Variants in MYO5B observed in about 807,000 individuals in gnomAD.
MYO5B encodes the protein unconventional myosin-Vb.
MYO5B carries 143 observed loss-of-function variants against 229.3 expected under a neutral mutation model. The observed-to-expected ratio is 0.62, with a 90% CI of 0.54 to 0.72. The LOEUF (loss-of-function observed/expected upper bound fraction) is 0.72. Ranked by LOEUF, MYO5B falls within the 30% of genes least tolerant of loss-of-function variation. The pLI, the probability that MYO5B is intolerant of heterozygous loss-of-function variation, is 0.00. For missense variants in MYO5B, 2,321 were observed against 2,331.0 expected, an observed-to-expected ratio of 1.00 and a Z score of 0.09; for synonymous variants, 918 against 885.2, an observed-to-expected ratio of 1.04 and a Z score of -0.66.
At chr18:49,912,274 G>T in intron 17 of MYO5B, 101 bp from the exon 18 acceptor site, 1 of 872,294 alleles carries the variant, frequency 1.1e-6, no homozygotes, top group Non-Finnish European at 2.0e-6. Context: ...TCAACACTGT[G>T]GCACAAAGTC....
chr18:50,067,156 G>T (rs182444897), intron 1 of MYO5B, among the ~76,000 whole-genome samples: 16 of 152,246 alleles, frequency 1.1e-4, no homozygotes, highest in Non-Finnish European at 2.4e-4. Flanking sequence ...GATGGAAGGG[G>T]GAATTCATCT....
intron 21 of MYO5B, among the ~76,000 whole-genome samples, chr18:49,902,138 G>A (rs980833898): frequency 6.6e-6 from 1 of 152,212 alleles, no homozygotes. Context: ...GTCTGAAGGG[G>A]TTGGCACGGC....
intron 33 of MYO5B, among the ~76,000 whole-genome samples, chr18:49,845,523 T>C (rs633667): frequency 0.43 from 64,697 of 152,102 alleles, 14,407 homozygotes; most frequent in Middle Eastern, 0.55. Context: ...ACCACTCCTT[T>C]GAAAGCCTCA....
chr18:49,923,975 C>T (rs1452843859), intron 17 of MYO5B, among the ~76,000 whole-genome samples: 1 of 152,158 alleles, frequency 6.6e-6, no homozygotes, highest in Non-Finnish European at 1.5e-5. Flanking sequence ...CTGCACTGTA[C>T]AGCACAGGAT....
intron 1 of MYO5B, among the ~76,000 whole-genome samples, chr18:50,142,942 G>A (rs1169223488): frequency 1.3e-5 from 2 of 152,240 alleles, no homozygotes; most frequent in African/African-American, 2.4e-5. Flanking sequence ...AGAATGGAAA[G>A]AGTATGAATC....
chr18:50,027,240 AT>A (rs1218742641), intron 4 of MYO5B, among the ~76,000 whole-genome samples: 5 of 152,182 alleles, frequency 3.3e-5, no homozygotes, highest in African/African-American at 9.7e-5. Context: ...TGTCAGCACC[AT>A]TATTAATTCC....
chr18:50,087,690 TG>T (rs1194850913), intron 1 of MYO5B, among the ~76,000 whole-genome samples: 1 of 152,100 alleles, frequency 6.6e-6, no homozygotes, highest in Non-Finnish European at 1.5e-5. Context: ...TAAATAAACA[TG>T]CAGAGGTAGC....
At position 49,911,993 on chromosome 18, in the gene MYO5B, A is replaced by G; in HGVS notation, c.2202+69T>C. On this transcript the variant is annotated intron_variant, in intron 18 of 39. Transcript: ENST00000285039. ...GAAGACCAAAAAAAAAATGTAGATAACGACGCCACCCCCTCAATCTTTAGG... is the reference window on the plus strand; with the variant it reads ...GAAGACCAAAAAAAAAATGTAGATAGCGACGCCACCCCCTCAATCTTTAGG... 4 of 1,182,942 alleles carry G rather than the reference A, an allele frequency of 3.4e-6. No homozygotes were observed. The Admixed American group carries it at 6.8e-5, about 20-fold the overall frequency. 73.3% of individuals were successfully genotyped at this position (1,182,942 alleles called of 1,614,324 possible). A position where few individuals can be genotyped will look rare whatever the true frequency, so the allele number is the denominator to read the frequency against.
chr18:50,024,181 A>G (rs181341051), intron 4 of MYO5B, among the ~76,000 whole-genome samples: 2 of 152,352 alleles, frequency 1.3e-5, no homozygotes, highest in African/African-American at 4.8e-5. Flanking sequence ...GGAAGCAGAA[A>G]AAACCCGAGT....
At chr18:49,829,139 T>C (rs192323999) in intron 39 of MYO5B, among the ~76,000 whole-genome samples, 51 of 150,762 alleles carry the variant, frequency 3.4e-4, no homozygotes, top group Non-Finnish European at 6.0e-4. Context: ...TGGAGTGCAG[T>C]GGTGTGATCT....
intron 1 of MYO5B, among the ~76,000 whole-genome samples, chr18:50,074,559 C>A (rs1372818187): frequency 6.6e-6 from 1 of 152,178 alleles, no homozygotes; most frequent in African/African-American, 2.4e-5. Flanking sequence ...TAGGTCTTTT[C>A]TTTTCTTGGG....
At chr18:50,188,020 T>A (rs1326653561) in intron 1 of MYO5B, among the ~76,000 whole-genome samples, 2 of 152,196 alleles carry the variant, frequency 1.3e-5, no homozygotes, top group African/African-American at 4.8e-5. Flanking sequence ...AATGTTAACC[T>A]CCTGGTTTCA....
chr18:49,984,652 C>T, intron 8 of MYO5B, 66 bp downstream of exon 8: 1 of 1,257,730 alleles, frequency 8.0e-7, no homozygotes, highest in South Asian at 1.2e-5. Flanking sequence ...TGGGACATCG[C>T]CTTGCATTCT....
At chr18:50,010,388 C>A (rs1224773091) in intron 4 of MYO5B, among the ~76,000 whole-genome samples, 2 of 152,202 alleles carry the variant, frequency 1.3e-5, no homozygotes, top group Non-Finnish European at 2.9e-5. Context: ...GCCACCCAGC[C>A]CACCCCATCG....
chr18:49,945,110 C>T (rs1462320221), intron 14 of MYO5B, among the ~76,000 whole-genome samples: 2 of 152,148 alleles, frequency 1.3e-5, no homozygotes, highest in Non-Finnish European at 2.9e-5. Flanking sequence ...CAGAACCTCC[C>T]ACGGGGCTTT....
chr18:49,952,534 A>G (rs1421903586), intron 14 of MYO5B, among the ~76,000 whole-genome samples: 1 of 152,170 alleles, frequency 6.6e-6, no homozygotes, highest in Non-Finnish European at 1.5e-5. Flanking sequence ...AAGGGGAGCA[A>G]CCAGAGTGCA....
rs1310554339 is a variant in MYO5B, at chr18:50,195,007, G to A, written c.-214C>T. 5 of 565,924 alleles carry A rather than the reference G, an allele frequency of 8.8e-6. No individual in the cohort carries two copies. Among genetic ancestry groups the A allele is most frequent in the South Asian group, 9.0e-5 (1 of 11,160 alleles). The allele number at this position is 565,924 out of a possible 1,614,324, so 35.1% of individuals were successfully genotyped here. On this transcript the variant is annotated 5_prime_UTR_variant, in exon 1 of 40. Transcript: ENST00000285039. ...ACTCCCGCCGCGGCGGCGCAGCTAC[G>A]GCCGGACAGGAGTTGCGAGCGCCGG...
chr18:49,839,736 G>T, intron 35 of MYO5B: 1 of 239,954 alleles, frequency 4.2e-6, no homozygotes, highest in South Asian at 6.3e-5. Context: ...ATTTTATACA[G>T]ATTCTATCAC....
intron 17 of MYO5B, among the ~76,000 whole-genome samples, chr18:49,920,658 T>C (rs1222728654): frequency 6.6e-6 from 1 of 152,162 alleles, no homozygotes; most frequent in Non-Finnish European, 1.5e-5. Flanking sequence ...CTCCATCCTA[T>C]CACTGCTTGG....
Sources: allele counts gnomAD v4.1 joint callset (sites outside exome capture counted in the v4.1 genomes callset), GRCh38; gene constraint gnomAD v4.1.1; transcripts MANE v1.5; gene names NCBI Gene and HGNC (gene_info 2026-07-23, HGNC 2026-07-21).